RFX4: variants seen among roughly 807,000 people sequenced by gnomAD.
RFX4 encodes the protein transcription factor RFX4.
In RFX4, 10 loss-of-function variants were observed where a neutral mutation model predicts 95.0. The ratio of observed to expected loss-of-function variants is 0.11; its 90% CI spans 0.06 to 0.18. RFX4 has a LOEUF of 0.18. Ranked by LOEUF, RFX4 falls within the 10% of genes least tolerant of loss-of-function variation. RFX4 has a pLI of 1.00. For synonymous variants in RFX4, 321 were observed against 340.7 expected (o/e 0.94, Z 0.64); for missense variants, 640 against 922.0 (o/e 0.69, Z 3.96).
At chr12:106,733,227 T>C in intron 15 of RFX4, 142 bp downstream of exon 15, 1 of 843,582 alleles carries the variant, frequency 1.2e-6, no homozygotes, top group Non-Finnish European at 1.9e-6. Context: ...TCCCAGCTAC[T>C]TGGGAGGCTG....
chr12:106,645,857 G>GAACAC lies in RFX4; in HGVS notation c.191+6469_191+6473dup, dbSNP rs2040733553. On this transcript the variant is annotated intron_variant, in intron 3 of 17. Transcript: ENST00000392842. ...AGGGAGGCTGAACACTTTTAGCTCT[G>GAACAC]AACACAACCAGTGTTGATAGATAAT... The GAACAC allele has an allele frequency of 1.4e-5, 18 of 1,268,768 alleles. No individual in the cohort carries two copies. The South Asian group carries it at 2.2e-4, about 16-fold the overall frequency. 78.6% of individuals were successfully genotyped at this position (1,268,768 alleles called of 1,614,324 possible). A position where few individuals can be genotyped will look rare whatever the true frequency, so the allele number is the denominator to read the frequency against.
chr12:106,742,688 G>C (rs1566003017), intron 15 of RFX4, among the ~76,000 whole-genome samples: 1 of 152,122 alleles, frequency 6.6e-6, no homozygotes, highest in Admixed American at 6.5e-5. Context: ...ACATTCAACT[G>C]TAAGAAACAT....
At chr12:106,727,615 GA>G (rs2042526933) in intron 13 of RFX4, among the ~76,000 whole-genome samples, 1 of 149,388 alleles carries the variant, frequency 6.7e-6, no homozygotes, top group African/African-American at 2.5e-5. Context: ...TCAAGTTACT[GA>G]ATTTAGTTTG....
chr12:106,639,495 T>C (rs748331935), intron 3 of RFX4, 103 bp downstream of exon 3: 2 of 1,051,206 alleles, frequency 1.9e-6, no homozygotes, highest in East Asian at 4.9e-5. Flanking sequence ...TCCTGATAAC[T>C]TGACATTCCA....
chr12:106,604,864 T>A (rs1235201555), intron 1 of RFX4, among the ~76,000 whole-genome samples: 2 of 152,236 alleles, frequency 1.3e-5, no homozygotes, highest in Admixed American at 6.5e-5. Flanking sequence ...AGAAAAATGC[T>A]GCAGAATTGG....
At chr12:106,719,724 A>G (rs888753316) in intron 11 of RFX4, among the ~76,000 whole-genome samples, 1 of 152,178 alleles carries the variant, frequency 6.6e-6, no homozygotes, top group East Asian at 1.9e-4. Context: ...TTGCTGGCGG[A>G]ATGGCAAGTA....
chr12:106,705,502 T>C (rs904142498), intron 8 of RFX4, among the ~76,000 whole-genome samples: 7 of 152,162 alleles, frequency 4.6e-5, no homozygotes, highest in Admixed American at 1.3e-4. Context: ...GGACAGTATG[T>C]CAAGAAGGCA....
chr12:106,696,406 G>A lies in RFX4; in HGVS notation c.793G>A (p.Gly265Arg), dbSNP rs1472123079. 8.7e-6 allele frequency: 14 copies of A among 1,613,956 alleles called. No homozygotes were observed. The highest frequency in any genetic ancestry group is 1.2e-5 in the Non-Finnish European group (14 of 1,180,014). ...CTCCATCCTCTACAAAGCTATCTCC[G>A]GGGTGCTGATGCCCACTGTGCTGCA... is the stretch of plus-strand genomic sequence containing the variant. ...CDSILYKAIS[G>R]VLMPTVLQAL... Residue 265 changes from glycine to arginine, a missense_variant, in exon 8 of 18, where the codon GGG becomes AGG. By Grantham distance (125) the Gly-to-Arg change is moderately radical. This residue lies in a region of RFX4 where 96 missense variants were observed against 183.7 expected (regional missense o/e 0.52). Coordinates refer to ENST00000392842, the MANE Select transcript of RFX4 (RefSeq NM_213594.3).
In RFX4 at chr12:106,669,842, GT is replaced by G. The variant is rs1285533338; in HGVS notation, c.316-12150del. Reference sequence around the variant, plus strand: ...TTCACACCAGGTTTTTTCTAGGGGTGTGTGTGTGTGTGTGTGTGTGTGTGTG... The same window carrying G: ...TTCACACCAGGTTTTTTCTAGGGGTGGTGTGTGTGTGTGTGTGTGTGTGTG... On this transcript the variant is annotated intron_variant, in intron 4 of 17. Transcript: ENST00000392842. 7.2e-4 allele frequency among the ~76,000 whole-genome samples: 58 copies of G among 80,692 alleles called. No individual in the cohort carries two copies. The East Asian group carries it at 7.2e-3, about 10-fold the overall frequency. 52.9% of individuals were successfully genotyped at this position (80,692 alleles called of 152,430 possible).
chr12:106,757,243 G>T (rs951851358), intron 17 of RFX4, among the ~76,000 whole-genome samples: 2 of 152,236 alleles, frequency 1.3e-5, no homozygotes, highest in African/African-American at 4.8e-5. Context: ...GACTCTAAAG[G>T]CTCAGCAGCA....
In RFX4 at chr12:106,708,634, G is replaced by A. The variant is rs147762166; in HGVS notation, c.834-696G>A. ...TGTCCCTGTGTCTGGCACAACCAAG[G>A]AGGACTTCGTGGAGGAGAACGAACC... On this transcript the variant is annotated intron_variant, in intron 8 of 17. Coordinates refer to ENST00000392842, the MANE Select transcript of RFX4 (RefSeq NM_213594.3). 8.2e-3 allele frequency among the ~76,000 whole-genome samples: 1,255 copies of A among 152,228 alleles called. 24 individuals carry two copies. Among genetic ancestry groups the A allele is most frequent in the African/African-American group, 0.029 (1,198 of 41,532 alleles).
chr12:106,662,336 C>G (rs562312594), intron 4 of RFX4: 1 of 173,920 alleles, frequency 5.7e-6, no homozygotes, highest in East Asian at 1.8e-4. Context: ...TTTTCATATG[C>G]TTATTTGCCA....
intron 5 of RFX4, chr12:106,683,466 GAAAAAAAAAAAAAAAAA>G (rs149587196): frequency 8.9e-4 from 45 of 50,830 alleles, no homozygotes; most frequent in East Asian, 1.9e-3. Flanking sequence ...TGACTATTCT[GAAAAAAAAAAAAAAAAA>G]AAAAAAAAAA....
rs1029078534 is a variant in RFX4 at position 106,665,312 on chromosome 12, T to A, written c.315+10961T>A. ...TGAAATTAATATAGTTATTCCTGTT[T>A]CTTTTGATTAGTATTATCATAGTAT... On this transcript the variant is annotated intron_variant, in intron 4 of 17. Coordinates refer to ENST00000392842, the MANE Select transcript of RFX4 (RefSeq NM_213594.3). 3.3e-5 allele frequency among the ~76,000 whole-genome samples: 5 copies of A among 151,918 alleles called. 1 individual carries two copies. Among genetic ancestry groups the A allele is most frequent in the Admixed American group, 3.3e-4 (5 of 15,260 alleles).
intron 14 of RFX4, 162 bp from the exon 15 acceptor site, chr12:106,732,762 C>T (rs908732826): frequency 9.6e-6 from 5 of 523,552 alleles, no homozygotes; most frequent in Non-Finnish European, 1.0e-5. Flanking sequence ...TATTTATATA[C>T]AGAAATTGCC....
At chr12:106,655,723 T>A (rs1214119891) in intron 4 of RFX4, among the ~76,000 whole-genome samples, 1 of 152,176 alleles carries the variant, frequency 6.6e-6, no homozygotes, top group Non-Finnish European at 1.5e-5. Context: ...GGACTTATTA[T>A]CTAACCTCTC....
intron 1 of RFX4, among the ~76,000 whole-genome samples, chr12:106,584,429 A>C (rs564997160): frequency 4.1e-4 from 62 of 152,220 alleles, no homozygotes; most frequent in African/African-American, 1.5e-3. Context: ...AGGGCAGTGG[A>C]CTCAGCCTGG....
chr12:106,759,977 C>T (rs565978352), intron 17 of RFX4, among the ~76,000 whole-genome samples: 1 of 152,264 alleles, frequency 6.6e-6, no homozygotes, highest in East Asian at 1.9e-4. Flanking sequence ...AAGAGCAGTT[C>T]CCTGTAGCCA....
chr12:106,700,910 T>TG (rs1368831066), intron 8 of RFX4, among the ~76,000 whole-genome samples: 1 of 152,188 alleles, frequency 6.6e-6, no homozygotes, highest in Non-Finnish European at 1.5e-5. Flanking sequence ...TTGAGAATGA[T>TG]TAAAGATATG....
Sources: gnomAD v4.1 joint callset for allele counts (sites outside exome capture counted in the v4.1 genomes callset) on GRCh38, gnomAD v4.1.1 for gene constraint, gnomAD v4.1.1 regional missense constraint, MANE v1.5 for transcripts, NCBI Gene and HGNC (gene_info 2026-07-23, HGNC 2026-07-21) for gene names.